The following PSMD1 variants were observed in gnomAD, a reference collection of about 807,000 sequenced individuals.
The protein encoded by PSMD1 is 26S proteasome non-ATPase regulatory subunit 1.
In PSMD1, 18 loss-of-function variants were observed where a neutral mutation model predicts 119.0. The ratio of observed to expected loss-of-function variants is 0.15; its 90% CI spans 0.10 to 0.22. The LOEUF is 0.22. Among genes scored for constraint, PSMD1 ranks in the 10% least tolerant of loss-of-function variants. The pLI is 1.00. For synonymous variants in PSMD1, 374 were observed against 396.6 expected, an observed-to-expected ratio of 0.94 and a Z score of 0.68; for missense variants, 702 against 1,158.5, an observed-to-expected ratio of 0.61 and a Z score of 5.72.
intron 21 of PSMD1, chr2:231,164,890 G>A (rs111749392): frequency 0.021 from 3,386 of 157,566 alleles, 138 homozygotes; most frequent in African/African-American, 0.077. Context: ...CATATCCAAG[G>A]TAGGCTACAG....
intron 18 of PSMD1, 80 bp from the exon 19 acceptor site, chr2:231,153,484 G>A: frequency 2.0e-6 from 2 of 991,018 alleles, no homozygotes; most frequent in Non-Finnish European, 1.6e-6. Flanking sequence ...CATTATCATT[G>A]GAGCAATATT....
chr2:231,150,423 T>G (rs116391859), intron 18 of PSMD1, among the ~76,000 whole-genome samples: 3,414 of 151,378 alleles, frequency 0.023, 133 homozygotes, highest in African/African-American at 0.076. Flanking sequence ...GACATATATA[T>G]AGAGACATAT....
At chr2:231,169,508 G>C (rs1559257506) in intron 23 of PSMD1, among the ~76,000 whole-genome samples, 1 of 152,176 alleles carries the variant, frequency 6.6e-6, no homozygotes, top group Admixed American at 6.5e-5. Flanking sequence ...AGATATGTGT[G>C]TGTCAGGAGA....
intron 8 of PSMD1, 36 bp downstream of exon 8, chr2:231,075,607 TC>T (rs770635537): frequency 9.6e-5 from 152 of 1,579,304 alleles, no homozygotes; most frequent in Non-Finnish European, 1.2e-4. Context: ...TGAGACAGGG[TC>T]CTGATCTGTC....
At chr2:231,156,436 C>T (rs1035222314) in intron 19 of PSMD1, among the ~76,000 whole-genome samples, 1 of 152,018 alleles carries the variant, frequency 6.6e-6, no homozygotes, top group Non-Finnish European at 1.5e-5. Context: ...TGACATGTGT[C>T]TACCATAACA....
intron 16 of PSMD1, among the ~76,000 whole-genome samples, chr2:231,128,713 A>G (rs1695786293): frequency 6.6e-6 from 1 of 152,178 alleles, no homozygotes; most frequent in Admixed American, 6.5e-5. Flanking sequence ...TTAACAGCCT[A>G]TACCAGGAGT....
chr2:231,078,791 CTTTTTT>C (rs748353083), intron 10 of PSMD1, 44 bp downstream of exon 10: 216 of 342,580 alleles, frequency 6.3e-4, no homozygotes, highest in Middle Eastern at 9.8e-4. Context: ...AAATCTTTTT[CTTTTTT>C]TTTTTTTTTT....
In PSMD1 at chr2:231,126,853, G is replaced by A. The variant is rs537402865; in HGVS notation, c.1884-11883G>A. 1.8e-4 allele frequency among the ~76,000 whole-genome samples: 27 copies of A among 151,874 alleles called. No homozygotes were observed. The South Asian group carries it at 3.6e-3, about 20-fold the overall frequency. On this transcript the variant is annotated intron_variant, in intron 16 of 24. Coordinates refer to ENST00000308696, the MANE Select transcript of PSMD1 (RefSeq NM_002807.4). ...CTTATTTGGCAATCTCAAGTTATGG[G>A]AAGCATAGCTGAGAATCAAGAAAAA...
At chr2:231,124,506 A>T (rs776074065) in intron 16 of PSMD1, among the ~76,000 whole-genome samples, 1 of 152,064 alleles carries the variant, frequency 6.6e-6, no homozygotes, top group Non-Finnish European at 1.5e-5. Flanking sequence ...AGGGATCCTT[A>T]TATGTAATTA....
At chr2:231,065,607 T>G (rs553603692) in intron 4 of PSMD1, among the ~76,000 whole-genome samples, 1 of 152,196 alleles carries the variant, frequency 6.6e-6, no homozygotes, top group African/African-American at 2.4e-5. Flanking sequence ...CCAGGGTGAC[T>G]GTTTTATCTT....
At chr2:231,108,621 G>A (rs1251805273) in intron 16 of PSMD1, 2 of 1,613,818 alleles carry the variant, frequency 1.2e-6, no homozygotes, top group African/African-American at 2.7e-5. Context: ...GAACTTCGGA[G>A]CCTCATTGGA....
At chr2:231,153,139 G>A (rs1244439583) in intron 18 of PSMD1, among the ~76,000 whole-genome samples, 1 of 152,164 alleles carries the variant, frequency 6.6e-6, no homozygotes, top group Non-Finnish European at 1.5e-5. Flanking sequence ...CAGCTTTGGT[G>A]AAGGGTAATT....
intron 5 of PSMD1, among the ~76,000 whole-genome samples, chr2:231,069,423 C>A (rs796594056): frequency 2.6e-5 from 4 of 152,250 alleles, no homozygotes; most frequent in African/African-American, 7.2e-5. Flanking sequence ...ACTCCTGTAG[C>A]TTTCAGTGTG....
At chr2:231,071,436 G>C (rs1008677040) in intron 6 of PSMD1, among the ~76,000 whole-genome samples, 3 of 152,034 alleles carry the variant, frequency 2.0e-5, no homozygotes, top group Admixed American at 6.5e-5. Flanking sequence ...TGGATAAACA[G>C]TGTTAATTGT....
chr2:231,139,573 AAAGAAG>A (rs547387717), intron 17 of PSMD1, among the ~76,000 whole-genome samples: 21 of 144,488 alleles, frequency 1.5e-4, no homozygotes, highest in African/African-American at 1.5e-4. Context: ...AAAAAAAAAA[AAAGAAG>A]AAGAAGAAGA....
chr2:231,098,079 G>A (rs1369845430), intron 16 of PSMD1, among the ~76,000 whole-genome samples: 18 of 152,200 alleles, frequency 1.2e-4, no homozygotes, highest in Admixed American at 1.1e-3. Flanking sequence ...GATGGCCCTC[G>A]GGGGCTGACC....
At chr2:231,071,518 A>G (rs1032901288) in intron 6 of PSMD1, among the ~76,000 whole-genome samples, 2 of 152,070 alleles carry the variant, frequency 1.3e-5, no homozygotes, top group Non-Finnish European at 2.9e-5. Context: ...GTAATCATTC[A>G]GTGTATGTAC....
chr2:231,061,452 A>G (rs1377266231), intron 2 of PSMD1, 142 bp downstream of exon 2: 3 of 572,976 alleles, frequency 5.2e-6, no homozygotes, highest in African/African-American at 3.9e-5. Context: ...GCCAGAGAGG[A>G]CAGTATTTTG....
intron 16 of PSMD1, among the ~76,000 whole-genome samples, chr2:231,118,092 C>T (rs551427230): frequency 2.0e-5 from 3 of 152,154 alleles, no homozygotes; most frequent in East Asian, 1.9e-4. Context: ...ATTACTTATC[C>T]CTCTGCTTCT....
Sources: gnomAD v4.1 joint callset for allele counts (sites outside exome capture counted in the v4.1 genomes callset) on GRCh38, gnomAD v4.1.1 for gene constraint, MANE v1.5 for transcripts, NCBI Gene and HGNC (gene_info 2026-07-23, HGNC 2026-07-21) for gene names.